The following BRINP2 variants were observed in gnomAD, a reference collection of about 807,000 sequenced individuals.
BRINP2 encodes BMP/retinoic acid inducible neural specific 2.
BRINP2 carries 21 observed loss-of-function variants against 69.2 expected under a neutral mutation model. The observed-to-expected ratio is 0.30, with a 90% confidence interval of 0.22 to 0.44. The LOEUF (loss-of-function observed/expected upper bound fraction) is 0.44, where lower values mean the gene tolerates loss of function less well. Ranked by LOEUF, BRINP2 falls within the 20% of genes least tolerant of loss-of-function variation. The pLI is 1.00. For missense variants in BRINP2, 877 were observed against 986.0 expected (o/e 0.89, Z 1.48); for synonymous variants, 380 against 394.1 (o/e 0.96, Z 0.42).
rs781027249 is a variant in BRINP2 at position 177,281,486 on chromosome 1, G to T, written c.2310G>T (p.Leu770=). The change falls in exon 8 of 8, where the codon CTG becomes CTT. Residue 770 remains leucine, a synonymous_variant. Coordinates refer to ENST00000361539, the MANE Select transcript of BRINP2 (RefSeq NM_021165.4). The part of the protein sequence containing the change: ...QSSLRAFNSK[L]PNPVEYETGK... Reference sequence around the variant, plus strand: ...CCCTGAGGGCTTTCAATTCTAAGCTGCCAAACCCTGTGGAATATGAGACCG... The same window carrying T: ...CCCTGAGGGCTTTCAATTCTAAGCTTCCAAACCCTGTGGAATATGAGACCG... 2 of 1,611,790 alleles carry T rather than the reference G, an allele frequency of 1.2e-6. No homozygotes were observed. Among genetic ancestry groups the T allele is most frequent in the South Asian group, 2.2e-5 (2 of 91,026 alleles).
intron 4 of BRINP2, among the ~76,000 whole-genome samples, chr1:177,264,569 AG>A (rs1217942966): frequency 1.6e-4 from 25 of 152,238 alleles, no homozygotes; most frequent in African/African-American, 5.5e-4. Flanking sequence ...CCATCGTCTC[AG>A]CCCAAAATCT....
intron 1 of BRINP2, among the ~76,000 whole-genome samples, chr1:177,201,142 T>C (rs1226003717): frequency 1.3e-5 from 2 of 151,682 alleles, no homozygotes; most frequent in Non-Finnish European, 1.5e-5. Flanking sequence ...GAAGAACTTA[T>C]CCATATACCC....
chr1:177,217,841 T>C (rs1202361311), intron 1 of BRINP2, among the ~76,000 whole-genome samples: 1 of 152,204 alleles, frequency 6.6e-6, no homozygotes, highest in Non-Finnish European at 1.5e-5. Context: ...GCTCTACTAC[T>C]AGGCTGAGCT....
At chr1:177,219,131 C>T (rs992123841) in intron 1 of BRINP2, among the ~76,000 whole-genome samples, 4 of 152,150 alleles carry the variant, frequency 2.6e-5, no homozygotes, top group African/African-American at 9.7e-5. Flanking sequence ...GAGCCTTGGA[C>T]CATACTTTTA....
chr1:177,194,436 A>C (rs535285595), intron 1 of BRINP2, among the ~76,000 whole-genome samples: 17 of 152,290 alleles, frequency 1.1e-4, no homozygotes, highest in African/African-American at 4.1e-4. Context: ...GGTCCAGACG[A>C]GGACACTGTG....
intron 1 of BRINP2, among the ~76,000 whole-genome samples, chr1:177,215,516 A>G (rs1649350092): frequency 6.6e-6 from 1 of 152,132 alleles, no homozygotes; most frequent in Non-Finnish European, 1.5e-5. Context: ...GTAGAGATAC[A>G]TTACTGATTT....
intron 2 of BRINP2, among the ~76,000 whole-genome samples, chr1:177,235,044 C>T (rs1367391797): frequency 3.3e-5 from 5 of 152,198 alleles, no homozygotes; most frequent in East Asian, 3.9e-4. Context: ...AAGTGCTCAC[C>T]CAATTTTTGG....
At chr1:177,250,341 G>A (rs1367730736) in intron 2 of BRINP2, among the ~76,000 whole-genome samples, 1 of 151,584 alleles carries the variant, frequency 6.6e-6, no homozygotes, top group African/African-American at 2.4e-5. Context: ...TTGTTTGTTT[G>A]TTTGAGATGG....
intron 1 of BRINP2, among the ~76,000 whole-genome samples, chr1:177,179,864 T>C (rs1358493789): frequency 1.3e-5 from 2 of 152,168 alleles, no homozygotes; most frequent in Admixed American, 6.5e-5. Flanking sequence ...GGCAGTGTTC[T>C]GTTTCTTGAC....
chr1:177,252,833 T>C (rs1650625635), intron 2 of BRINP2, among the ~76,000 whole-genome samples: 1 of 152,164 alleles, frequency 6.6e-6, no homozygotes, highest in Admixed American at 6.5e-5. Context: ...TTTGTCTTTC[T>C]ATGCCTGGCT....
intron 3 of BRINP2, chr1:177,256,378 C>G (rs2102346757): frequency 1.0e-6 from 1 of 985,440 alleles, no homozygotes; most frequent in African/African-American, 1.7e-5. Context: ...GCAGGGGGCA[C>G]TCCCAGTTTT....
chr1:177,256,630 T>A (rs1228316594), intron 3 of BRINP2: 1 of 985,184 alleles, frequency 1.0e-6, no homozygotes, highest in Admixed American at 6.2e-5. Flanking sequence ...CAGGGCAGGA[T>A]CAAAATCTCT....
chr1:177,192,218 C>G (rs78738011), intron 1 of BRINP2, among the ~76,000 whole-genome samples: 2,564 of 152,250 alleles, frequency 0.017, 33 homozygotes, highest in Non-Finnish European at 0.023. Context: ...GAATCTTCAT[C>G]AATCTCCTAA....
intron 1 of BRINP2, among the ~76,000 whole-genome samples, chr1:177,199,460 TG>T (rs1648839871): frequency 6.6e-6 from 1 of 152,150 alleles, no homozygotes; most frequent in African/African-American, 2.4e-5. Flanking sequence ...CTTCCCCAAA[TG>T]TCCCAGGCAG....
At chr1:177,182,030 G>A (rs915971779) in intron 1 of BRINP2, among the ~76,000 whole-genome samples, 4 of 152,192 alleles carry the variant, frequency 2.6e-5, no homozygotes, top group African/African-American at 7.2e-5. Flanking sequence ...CGCGTGTGCG[G>A]AGAAGGAATG....
chr1:177,204,266 C>A (rs1649003692), intron 1 of BRINP2, among the ~76,000 whole-genome samples: 3 of 152,042 alleles, frequency 2.0e-5, no homozygotes, highest in Non-Finnish European at 4.4e-5. Context: ...TTAGGTAGAA[C>A]ACAAATCATG....
chr1:177,190,694 TC>T (rs1648560434), intron 1 of BRINP2, among the ~76,000 whole-genome samples: 4 of 151,896 alleles, frequency 2.6e-5, no homozygotes, highest in African/African-American at 9.7e-5. Flanking sequence ...TGGGTCCCAG[TC>T]TGTCTGCTTT....
intron 1 of BRINP2, among the ~76,000 whole-genome samples, chr1:177,202,186 TG>T (rs1353447878): frequency 1.3e-5 from 2 of 152,210 alleles, no homozygotes; most frequent in Non-Finnish European, 2.9e-5. Context: ...AAGGGTTTTT[TG>T]TGTCTCTATT....
At position 177,229,996 on chromosome 1, in the gene BRINP2, T is replaced by C. The variant is rs1375807813; in HGVS notation, c.120T>C (p.Ala40=). ...WVLAVSATAA[A]VVPEQHASVA... is the part of the protein sequence containing the mutation. The stretch of plus-strand genomic sequence containing the variant: ...TGGCTGTCTCAGCCACGGCGGCTGC[T>C]GTGGTCCCCGAGCAGCATGCCTCCG... Residue 40 remains alanine (A), a synonymous_variant, in exon 2 of 8, where the codon GCT becomes GCC. Transcript: ENST00000361539. 3 of 1,613,492 alleles carry C rather than the reference T, an allele frequency of 1.9e-6. No individual in the cohort carries two copies. Among genetic ancestry groups the C allele is most frequent in the Non-Finnish European group, 2.5e-6 (3 of 1,179,906 alleles).
Sources: gnomAD v4.1 joint callset for allele counts (sites outside exome capture counted in the v4.1 genomes callset) on GRCh38, gnomAD v4.1.1 for gene constraint, MANE v1.5 for transcripts, NCBI Gene and HGNC (gene_info 2026-07-23, HGNC 2026-07-21) for gene names.